RYR1: variants seen among roughly 807,000 people sequenced by gnomAD.
RYR1 encodes central core disease of muscle.
A neutral mutation model predicts 583.5 loss-of-function variants in RYR1; 342 were observed. That is an observed-to-expected ratio of 0.59 (90% confidence interval 0.54 to 0.64). The LOEUF (loss-of-function observed/expected upper bound fraction) is 0.64. RYR1 is among the 30% of genes least tolerant of loss of function. The pLI is 0.00. For synonymous variants in RYR1, 2,791 were observed against 2,822.5 expected, an observed-to-expected ratio of 0.99 and a Z score of 0.35; for missense variants, 6,032 against 6,917.2, an observed-to-expected ratio of 0.87 and a Z score of 4.54.
intron 89 of RYR1, among the ~76,000 whole-genome samples, chr19:38,558,430 G>A (rs1001440305): frequency 2.6e-5 from 4 of 152,178 alleles, no homozygotes; most frequent in Non-Finnish European, 4.4e-5. Flanking sequence ...CGTATTGCAT[G>A]CCTATATCAA....
chr19:38,485,650 C>G lies in RYR1; in HGVS notation c.4995C>G (p.Thr1665=). ...ACCTGCAGCGCTTCCACTCGCACAC[C>G]CTGCGCCTCTACCGCGCTGTGTGCG... ...RLDLQRFHSH[T]LRLYRAVCAL... The change falls in exon 34 of 106, where the codon ACC becomes ACG. Residue 1665 remains threonine (T), a synonymous_variant. Transcript: ENST00000359596. 1 of 1,610,808 alleles carries G rather than the reference C, an allele frequency of 6.2e-7. No individual in the cohort carries two copies. The highest frequency in any genetic ancestry group is 2.2e-5 in the East Asian group (1 of 44,886).
In RYR1 at chr19:38,532,875, T is replaced by C. The variant is rs530154516; in HGVS notation, c.11259+139T>C. On this transcript the variant is annotated intron_variant, in intron 78 of 105. Coordinates refer to ENST00000359596, the MANE Select transcript of RYR1 (RefSeq NM_000540.3). ...CAAGTCAGTCCACTGGGGAGACAGA[T>C]ACACCCGCCAAACTAACACCACGGA... The C allele has an allele frequency of 4.9e-6, 4 of 815,086 alleles. No individual in the cohort carries two copies. The South Asian group carries it at 6.3e-5, about 13-fold the overall frequency. The allele number at this position is 815,086 out of a possible 1,614,324, so 50.5% of individuals were successfully genotyped here.
At chr19:38,435,665 G>C (rs772382080) in intron 1 of RYR1, among the ~76,000 whole-genome samples, 1 of 152,036 alleles carries the variant, frequency 6.6e-6, no homozygotes, top group Non-Finnish European at 1.5e-5. Flanking sequence ...GAACCTGGGA[G>C]GCAGAGGTTG....
chr19:38,473,432 G>A lies in RYR1; in HGVS notation c.3821G>A (p.Arg1274His), dbSNP rs1474098949. ...CCCCCCTGCCTGCGCCTGACCCACC[G>A]CACCTGGGGCTCCCAGAACAGCCTG... ...DTPPCLRLTH[R>H]TWGSQNSLVE... Residue 1274 changes from arginine (R) to histidine (H), a missense_variant, in exon 28 of 106, where the codon CGC (arginine) becomes CAC (histidine). Physicochemically the swap from Arg to His is conservative, Grantham distance 29 (BLOSUM62 0). This residue lies in a region of RYR1 where 2,627 missense variants were observed against 2,961.3 expected (regional missense o/e 0.89). Coordinates refer to ENST00000359596, the MANE Select transcript of RYR1 (RefSeq NM_000540.3). 5 of 1,613,890 alleles carry A rather than the reference G, an allele frequency of 3.1e-6. No homozygotes were observed. Among genetic ancestry groups the A allele is most frequent in the Non-Finnish European group, 4.2e-6 (5 of 1,179,946 alleles).
intron 65 of RYR1, 63 bp downstream of exon 65, chr19:38,516,280 G>T (rs1234711083): frequency 2.6e-6 from 4 of 1,530,600 alleles, no homozygotes; most frequent in Non-Finnish European, 3.5e-6. Flanking sequence ...GGGCCTTGGG[G>T]AGACCCTAAT....
In RYR1 at chr19:38,586,334, G is replaced by C. The variant is rs544549437; in HGVS notation, c.14969+143G>C. On this transcript the variant is annotated intron_variant, in intron 104 of 105. Transcript: ENST00000359596. ...CCCTGCCAGCCAATCAGAAGGTAAG[G>C]GTGGGGCCCCGCAAGATGGTTCACA... 2.6e-6 allele frequency: 3 copies of C among 1,136,770 alleles called. No homozygotes were observed. In the African/African-American group the frequency reaches 4.6e-5, roughly 17 times the overall value. The allele number at this position is 1,136,770 out of a possible 1,614,324, so 70.4% of individuals were successfully genotyped here. A position where few individuals can be genotyped will look rare whatever the true frequency, so the allele number is the denominator to read the frequency against.
chr19:38,505,865 A>G lies in RYR1; in HGVS notation c.8460A>G (p.Glu2820=). Residue 2820 remains glutamate, a synonymous_variant, in exon 54 of 106, where the codon GAA becomes GAG. Transcript: ENST00000359596. ...CCCTGAAGGCCATGATTGCCTGGGA[A>G]TGGACGATAGAGAAGGCCAGGGAGG... ...KESLKAMIAW[E]WTIEKAREGE... The G allele has an allele frequency of 1.9e-6, 3 of 1,613,958 alleles. No individual in the cohort carries two copies. Among genetic ancestry groups the G allele is most frequent in the South Asian group, 2.2e-5 (2 of 91,074 alleles).
In RYR1 at chr19:38,467,675, G is replaced by C. The variant is rs1173527905; in HGVS notation, c.3244G>C (p.Val1082Leu). 1.9e-6 allele frequency: 3 copies of C among 1,614,214 alleles called. No homozygotes were observed. The highest frequency in any genetic ancestry group is 2.5e-6 in the Non-Finnish European group (3 of 1,180,048). The change falls in exon 25 of 106, where the codon GTG becomes CTG. Residue 1082 changes from valine (V) to leucine (L), a missense_variant. Physicochemically the swap from Val to Leu is conservative, Grantham distance 32. Coordinates refer to ENST00000359596, the MANE Select transcript of RYR1 (RefSeq NM_000540.3). ...RIFRAEKSYT[V>L]QSGRWYFEFE... is the part of the protein sequence containing the mutation. ...CTTCCGGGCAGAGAAATCCTATACAGTGCAGAGCGGCCGCTGGTACTTCGA... is the reference window on the plus strand; with the variant it reads ...CTTCCGGGCAGAGAAATCCTATACACTGCAGAGCGGCCGCTGGTACTTCGA...
chr19:38,580,246 C>T (rs933258621), intron 100 of RYR1, 118 bp downstream of exon 100: 4 of 1,588,936 alleles, frequency 2.5e-6, no homozygotes, highest in Non-Finnish European at 3.4e-6. Flanking sequence ...GTGCGCTGAG[C>T]CGGGGGTGTG....
At chr19:38,493,709 G>A (rs975663991) in intron 38 of RYR1, among the ~76,000 whole-genome samples, 1 of 151,788 alleles carries the variant, frequency 6.6e-6, no homozygotes, top group Non-Finnish European at 1.5e-5. Flanking sequence ...TAGTAGAGAC[G>A]GGGCTTCACC....
intron 42 of RYR1, among the ~76,000 whole-genome samples, chr19:38,497,458 T>C (rs1421890557): frequency 2.0e-5 from 3 of 152,218 alleles, no homozygotes; most frequent in Admixed American, 1.3e-4. Context: ...CTGTGTGGCC[T>C]TGGATAAGTG....
In RYR1 at chr19:38,512,320, C is replaced by CGA. The variant is rs1313204632; in HGVS notation, c.9312_9313dup (p.Lys3105ArgfsTer19). 1 of 1,614,076 alleles carries CGA rather than the reference C, an allele frequency of 6.2e-7. No individual in the cohort carries two copies. On this transcript the variant is annotated frameshift_variant, in exon 63 of 106. Transcript: ENST00000359596. LOFTEE classifies it high-confidence loss of function. This position sits in a 1 kb window ranked among gnomAD's most constrained non-coding sequence, Gnocchi z 5.1. ...TCTTCGAGAGTGCCTCGGAGGACAT[C>CGA]GAGAAGATGGTGGAGAACCTGCGGC... is the stretch of plus-strand genomic sequence containing the variant.
At chr19:38,509,447 ATTATTT>A (rs1392545122) in intron 58 of RYR1, among the ~76,000 whole-genome samples, 1,459 of 120,842 alleles carry the variant, frequency 0.012, 12 homozygotes, top group Admixed American at 0.026. Flanking sequence ...TATTATTATT[ATTATTT>A]TTTTTTTTTT....
chr19:38,527,685 G>C lies in RYR1; in HGVS notation c.10725G>C (p.Leu3575=). ...GSPSLRWQMA[L]YRGVPGREED... ...CGTCTCTGCGCTGGCAGATGGCTCTGTACCGGGGCGTCCCGGGTCGCGAGG... is the reference window on the plus strand; with the variant it reads ...CGTCTCTGCGCTGGCAGATGGCTCTCTACCGGGGCGTCCCGGGTCGCGAGG... Residue 3575 remains leucine (L), a synonymous_variant, in exon 73 of 106, where the codon CTG becomes CTC. Coordinates refer to ENST00000359596, the MANE Select transcript of RYR1 (RefSeq NM_000540.3). 1 of 1,614,178 alleles carries C rather than the reference G, an allele frequency of 6.2e-7. No homozygotes were observed. Among genetic ancestry groups the C allele is most frequent in the Non-Finnish European group, 8.5e-7 (1 of 1,180,030 alleles).
At chr19:38,576,811 GAA>G (rs1186070566) in intron 97 of RYR1, among the ~76,000 whole-genome samples, 8 of 152,184 alleles carry the variant, frequency 5.3e-5, no homozygotes, top group African/African-American at 1.9e-4. Context: ...AAAAAAGAGA[GAA>G]ATACTAGTTG....
At chr19:38,535,413 T>C (rs780513355) in intron 81 of RYR1, 21 bp downstream of exon 81, 2 of 1,598,706 alleles carry the variant, frequency 1.3e-6, no homozygotes, top group East Asian at 4.5e-5. Flanking sequence ...GTGGACCTCT[T>C]CTTGTTAAGC....
intron 24 of RYR1, among the ~76,000 whole-genome samples, chr19:38,467,180 G>A (rs1278102580): frequency 6.6e-6 from 1 of 151,984 alleles, no homozygotes; most frequent in Non-Finnish European, 1.5e-5. Context: ...CCTGGCCATG[G>A]TCCCCAACCT....
In RYR1 at chr19:38,506,323, C is replaced by G. The variant is rs1188768146; in HGVS notation, c.8562C>G (p.Gly2854=). ...CTCAGACCTATGATCCTCGAGAAGGCTACAACCCTCAGCCCCCCGACCTTA... is the reference window on the plus strand; with the variant it reads ...CTCAGACCTATGATCCTCGAGAAGGGTACAACCCTCAGCCCCCCGACCTTA... The part of the protein sequence containing the change: ...QSAQTYDPRE[G]YNPQPPDLSA... Residue 2854 remains glycine, a synonymous_variant, in exon 55 of 106, where the codon GGC becomes GGG. Transcript: ENST00000359596. The G allele has an allele frequency of 1.9e-6, 3 of 1,613,750 alleles. No individual in the cohort carries two copies. Among genetic ancestry groups the G allele is most frequent in the Non-Finnish European group, 2.5e-6 (3 of 1,179,826 alleles).
At chr19:38,583,735 C>T (rs946678433) in intron 101 of RYR1, among the ~76,000 whole-genome samples, 1 of 152,054 alleles carries the variant, frequency 6.6e-6, no homozygotes, top group Non-Finnish European at 1.5e-5. Context: ...AATTCAAGCC[C>T]TTTGCACCTG....
Sources: gnomAD v4.1 joint callset for allele counts (sites outside exome capture counted in the v4.1 genomes callset) on GRCh38, gnomAD v4.1.1 for gene constraint, gnomAD v4.1.1 regional missense constraint, Gnocchi (gnomAD v3.1) non-coding constraint, MANE v1.5 for transcripts, NCBI Gene and HGNC (gene_info 2026-07-23, HGNC 2026-07-21) for gene names.